The following FIRRM variants were observed in gnomAD, a reference collection of about 807,000 sequenced individuals.
FIRRM encodes the protein FIGNL1 interacting regulator of recombination and mitosis.
the FIRRM span, chr1:169,853,679 A>G: frequency 1.9e-6 from 3 of 1,603,308 alleles, no homozygotes; most frequent in Non-Finnish European, 1.7e-6. Context: ...AAAAAAGGGA[A>G]TCCTTTTTCC....
chr1:169,790,547 C>T, the FIRRM span, among the ~76,000 whole-genome samples: 66 of 152,086 alleles, frequency 4.3e-4, no homozygotes, highest in Non-Finnish European at 7.6e-4. Flanking sequence ...TGCTTTGATC[C>T]TTTCTGCACT....
chr1:169,853,040 A>ATGTC, the FIRRM span: 21 of 1,550,958 alleles, frequency 1.4e-5, no homozygotes, highest in Non-Finnish European at 1.9e-5. Context: ...GAAAATACTT[A>ATGTC]TGTCTGTACA....
chr1:169,794,684 TTCCTC>T, the FIRRM span: 3 of 164,698 alleles, frequency 1.8e-5, no homozygotes, highest in Middle Eastern at 2.8e-3. Flanking sequence ...ACGCGCCTCT[TTCCTC>T]TCCCATCACG....
chr1:169,832,056 G>C, the FIRRM span, among the ~76,000 whole-genome samples: 1 of 152,144 alleles, frequency 6.6e-6, no homozygotes, highest in Non-Finnish European at 1.5e-5. Context: ...ACCACACTCA[G>C]CCCCTGTAAC....
At chr1:169,810,182 T>A in the FIRRM span, among the ~76,000 whole-genome samples, 1 of 152,178 alleles carries the variant, frequency 6.6e-6, no homozygotes, top group Non-Finnish European at 1.5e-5. Flanking sequence ...CCCCACCTCT[T>A]AATAGTATCA....
the FIRRM span, among the ~76,000 whole-genome samples, chr1:169,836,161 C>T: frequency 5.3e-5 from 8 of 150,006 alleles, no homozygotes; most frequent in East Asian, 1.4e-3. Flanking sequence ...TTAGAAAATA[C>T]ACTAATATAC....
the FIRRM span, among the ~76,000 whole-genome samples, chr1:169,835,179 C>T: frequency 3.3e-5 from 5 of 152,050 alleles, no homozygotes; most frequent in African/African-American, 7.2e-5. Context: ...AATTTTTTTA[C>T]GAGTGATGTC....
the FIRRM span, chr1:169,836,851 C>T: frequency 1.9e-6 from 2 of 1,051,724 alleles, no homozygotes; most frequent in Non-Finnish European, 2.7e-6. Context: ...AATGTGGAAA[C>T]TAATACTTAG....
At chr1:169,803,870 G>A in the FIRRM span, among the ~76,000 whole-genome samples, 1 of 152,112 alleles carries the variant, frequency 6.6e-6, no homozygotes, top group African/African-American at 2.4e-5. Context: ...TTTTAGTTCT[G>A]TATTTGCAAG....
chr1:169,802,679 C>A, the FIRRM span: 1 of 1,613,266 alleles, frequency 6.2e-7, no homozygotes, highest in South Asian at 1.1e-5. Context: ...AGAGGACTGT[C>A]AAGCCAAAAT....
the FIRRM span, among the ~76,000 whole-genome samples, chr1:169,796,740 C>T: frequency 6.6e-6 from 1 of 152,216 alleles, no homozygotes; most frequent in Non-Finnish European, 1.5e-5. Context: ...CTTCAAGGTT[C>T]CAGGTGATCT....
the FIRRM span, among the ~76,000 whole-genome samples, chr1:169,837,433 A>G: frequency 6.6e-6 from 1 of 152,210 alleles, no homozygotes; most frequent in Non-Finnish European, 1.5e-5. Flanking sequence ...TAATTCTTCC[A>G]TTCGACAAAA....
the FIRRM span, chr1:169,807,649 G>T: frequency 1.5e-6 from 1 of 648,430 alleles, no homozygotes; most frequent in South Asian, 3.7e-5. Context: ...GGTAAACTGG[G>T]CACATCTTAG....
the FIRRM span, among the ~76,000 whole-genome samples, chr1:169,842,965 A>C: frequency 3.9e-5 from 6 of 152,216 alleles, no homozygotes; most frequent in Non-Finnish European, 8.8e-5. Flanking sequence ...TCTCTTTCCC[A>C]GCAAAGCCAA....
chr1:169,808,608 G>T, the FIRRM span, among the ~76,000 whole-genome samples: 38 of 142,386 alleles, frequency 2.7e-4, no homozygotes, highest in East Asian at 4.1e-4. Context: ...TATGTCATTT[G>T]TTTTTTTTTT....
chr1:169,820,982 T>C, the FIRRM span, among the ~76,000 whole-genome samples: 421 of 152,328 alleles, frequency 2.8e-3, 1 homozygote, highest in Non-Finnish European at 4.0e-3. Context: ...TGCATACCTA[T>C]GCTAGTATTT....
At chr1:169,807,961 C>T in the FIRRM span, 1 of 1,585,348 alleles carries the variant, frequency 6.3e-7, no homozygotes. Flanking sequence ...TTTTAAACAG[C>T]AACTCTTATT....
chr1:169,832,551 G>C, the FIRRM span: 1 of 1,415,742 alleles, frequency 7.1e-7, no homozygotes, highest in Non-Finnish European at 1.0e-6. Flanking sequence ...AAGCTGCTCA[G>C]AGTTGGATTC....
the FIRRM span, chr1:169,827,989 A>G: frequency 5.6e-6 from 4 of 708,002 alleles, no homozygotes; most frequent in Non-Finnish European, 6.8e-6. Flanking sequence ...ATATATTGCT[A>G]CTTTATAAAA....
Sources: allele counts gnomAD v4.1 joint callset (sites outside exome capture counted in the v4.1 genomes callset), GRCh38; gene constraint gnomAD v4.1.1; transcripts MANE v1.5; gene names NCBI Gene and HGNC (gene_info 2026-07-23, HGNC 2026-07-21).